CDCA7L: variants seen among roughly 807,000 people sequenced by gnomAD.
CDCA7L encodes cell division cycle associated 7 like, also known as cell division cycle-associated 7-like protein.
CDCA7L carries 44 observed loss-of-function variants against 57.4 expected under a neutral mutation model. That is an observed-to-expected ratio of 0.77 (90% CI 0.60 to 0.98). The LOEUF (loss-of-function observed/expected upper bound fraction) is 0.98. CDCA7L is among the 50% of genes least tolerant of loss of function. The probability of loss-of-function intolerance (pLI) is 0.00; values close to 1 mark genes in which losing one functional copy is unlikely to be tolerated. For missense variants in CDCA7L, 644 were observed against 580.6 expected (o/e 1.11, Z -1.12); for synonymous variants, 236 against 202.8 (o/e 1.16, Z -1.39).
intron 1 of CDCA7L, among the ~76,000 whole-genome samples, chr7:21,930,675 G>C (rs1785979299): frequency 7.9e-6 from 1 of 126,260 alleles, no homozygotes; most frequent in African/African-American, 3.0e-5. Context: ...TCCAGCCCCG[G>C]CAACAGTGCA....
intron 1 of CDCA7L, among the ~76,000 whole-genome samples, chr7:21,926,063 C>T (rs1785815988): frequency 6.6e-6 from 1 of 152,094 alleles, no homozygotes; most frequent in African/African-American, 2.4e-5. Context: ...AAGCAAGACC[C>T]TATCTCTATA....
intron 1 of CDCA7L, among the ~76,000 whole-genome samples, chr7:21,942,888 A>G (rs1786386159): frequency 6.6e-6 from 1 of 152,218 alleles, no homozygotes; most frequent in South Asian, 2.1e-4. Context: ...ATCAGATGGG[A>G]GCACTTTGCA....
At chr7:21,907,055 T>C (rs1244792971) in intron 4 of CDCA7L, among the ~76,000 whole-genome samples, 4 of 152,218 alleles carry the variant, frequency 2.6e-5, no homozygotes, top group Non-Finnish European at 4.4e-5. Flanking sequence ...TCGATGGTTA[T>C]TTAGAACTCC....
chr7:21,911,524 T>G, intron 3 of CDCA7L, 93 bp downstream of exon 3: 1 of 1,416,810 alleles, frequency 7.1e-7, no homozygotes, highest in Non-Finnish European at 9.4e-7. Flanking sequence ...GAAAAATCTT[T>G]TCACTTGTGA....
chr7:21,931,922 G>A (rs1406210515), intron 1 of CDCA7L, among the ~76,000 whole-genome samples: 1 of 152,188 alleles, frequency 6.6e-6, no homozygotes, highest in African/African-American at 2.4e-5. Context: ...CATCGTCTCA[G>A]CCCCAAAACT....
intron 2 of CDCA7L, among the ~76,000 whole-genome samples, chr7:21,915,961 C>G (rs1463045306): frequency 1.3e-5 from 2 of 152,084 alleles, no homozygotes; most frequent in Non-Finnish European, 2.9e-5. Flanking sequence ...CGACAGAGAC[C>G]AGGGAGCCTC....
At chr7:21,910,377 C>T (rs1032580437) in intron 3 of CDCA7L, among the ~76,000 whole-genome samples, 1 of 152,176 alleles carries the variant, frequency 6.6e-6, no homozygotes, top group African/African-American at 2.4e-5. Context: ...TATGTTGCTA[C>T]TCATAGCAAA....
At chr7:21,909,627 A>G (rs939448131) in intron 3 of CDCA7L, among the ~76,000 whole-genome samples, 1 of 152,230 alleles carries the variant, frequency 6.6e-6, no homozygotes, top group African/African-American at 2.4e-5. Flanking sequence ...AATACCCTGA[A>G]CTTCCCATAT....
At position 21,902,014 on chromosome 7, in the gene CDCA7L, CTAACTTACTTACCTGAACTT is replaced by C. The variant is rs1784900061; in HGVS notation, c.*288_*307del. 2 of 377,628 alleles carry C rather than the reference CTAACTTACTTACCTGAACTT, an allele frequency of 5.3e-6. No homozygotes were observed. The highest frequency in any genetic ancestry group is 4.1e-5 in the African/African-American group (2 of 49,124). The allele number at this position is 377,628 out of a possible 1,614,324, so 23.4% of individuals were successfully genotyped here. A position where few individuals can be genotyped will look rare whatever the true frequency, so the allele number is the denominator to read the frequency against. On this transcript the variant is annotated 3_prime_UTR_variant, in exon 10 of 10. Coordinates refer to ENST00000406877, the MANE Select transcript of CDCA7L (RefSeq NM_018719.5). The stretch of plus-strand genomic sequence containing the variant: ...GAGCTGATCATACAATGTTTTCTCT[CTAACTTACTTACCTGAACTT>C]TAACCCCACCCCATTTAAACTGTGC...
In CDCA7L at chr7:21,939,762, C is replaced by G. The variant is rs559760331; in HGVS notation, c.24+6019G>C. Among the ~76,000 whole-genome samples, 3 of 152,058 alleles carry G rather than the reference C, an allele frequency of 2.0e-5. No homozygotes were observed. In the East Asian group the frequency reaches 5.8e-4, roughly 29 times the overall value. ...CTCCAAACCACTTACCAGGGGCATT[C>G]CCCTCACCCTCATCACTCTAACAAT... is the stretch of plus-strand genomic sequence containing the variant. On this transcript the variant is annotated intron_variant, in intron 1 of 9. Transcript: ENST00000406877.
chr7:21,905,659 G>T, intron 6 of CDCA7L, 28 bp from the exon 7 acceptor site: 1 of 1,608,524 alleles, frequency 6.2e-7, no homozygotes, highest in Non-Finnish European at 8.5e-7. Flanking sequence ...GCAGAACATG[G>T]AGATGTGTTG....
chr7:21,944,069 C>G (rs1029480906), intron 1 of CDCA7L, among the ~76,000 whole-genome samples: 1 of 152,158 alleles, frequency 6.6e-6, no homozygotes, highest in Admixed American at 6.5e-5. Flanking sequence ...TCTGACTAAA[C>G]TCACAAGGAG....
At chr7:21,909,179 T>G (rs1785236590) in intron 3 of CDCA7L, among the ~76,000 whole-genome samples, 2 of 152,214 alleles carry the variant, frequency 1.3e-5, no homozygotes, top group Non-Finnish European at 2.9e-5. Flanking sequence ...GGCAGAGGTC[T>G]CCAGCATTCA....
rs192490057 is a variant in CDCA7L at position 21,925,910 on chromosome 7, T to C, written c.25-9016A>G. The stretch of plus-strand genomic sequence containing the variant: ...AAGAAAAAAAAAGATCATCAGATTG[T>C]GATGGGATCTCATCCATCAGTTTGT... On this transcript the variant is annotated intron_variant, in intron 1 of 9. Coordinates refer to ENST00000406877, the MANE Select transcript of CDCA7L (RefSeq NM_018719.5). Among the ~76,000 whole-genome samples, 202 of 152,264 alleles carry C rather than the reference T, an allele frequency of 1.3e-3. No homozygotes were observed. In the Middle Eastern group the frequency reaches 0.014, roughly 10 times the overall value.
chr7:21,916,832 G>A lies in CDCA7L; in HGVS notation c.87C>T (p.Phe29=). Residue 29 remains phenylalanine (F), a synonymous_variant, in exon 2 of 10, where the codon TTC becomes TTT. Coordinates refer to ENST00000406877, the MANE Select transcript of CDCA7L (RefSeq NM_018719.5). The part of the protein sequence containing the change: ...APSDDEEFVG[F]RDDVPMETLS... Reference sequence around the variant, plus strand: ...GGGTTTCCATGGGAACATCATCTCGGAAGCCAACAAACTCTTCATCATCAC... The same window carrying A: ...GGGTTTCCATGGGAACATCATCTCGAAAGCCAACAAACTCTTCATCATCAC... 1 of 1,614,040 alleles carries A rather than the reference G, an allele frequency of 6.2e-7. No homozygotes were observed. Among genetic ancestry groups the A allele is most frequent in the Admixed American group, 1.7e-5 (1 of 60,014 alleles).
intron 1 of CDCA7L, among the ~76,000 whole-genome samples, chr7:21,944,227 T>C (rs1038397718): frequency 2.0e-5 from 3 of 149,474 alleles, no homozygotes; most frequent in African/African-American, 7.4e-5. Flanking sequence ...TCACCTGAGG[T>C]CAGCAGTTCA....
intron 1 of CDCA7L, among the ~76,000 whole-genome samples, chr7:21,929,228 T>A (rs1785918236): frequency 6.6e-6 from 1 of 152,096 alleles, no homozygotes; most frequent in African/African-American, 2.4e-5. Flanking sequence ...GAAAGAGAAA[T>A]AAAATCCTTT....
At chr7:21,902,835 A>C (rs995018608) in intron 9 of CDCA7L, 143 bp downstream of exon 9, 1 of 709,486 alleles carries the variant, frequency 1.4e-6, no homozygotes, top group African/African-American at 1.8e-5. Flanking sequence ...TTTCCAATGC[A>C]AACAGATACA....
chr7:21,914,565 G>A, intron 2 of CDCA7L, among the ~76,000 whole-genome samples: 1 of 152,184 alleles, frequency 6.6e-6, no homozygotes, highest in East Asian at 1.9e-4. Context: ...GCATGGACCA[G>A]TGGGCAGAAA....
Sources: gnomAD v4.1 joint callset for allele counts (sites outside exome capture counted in the v4.1 genomes callset) on GRCh38, gnomAD v4.1.1 for gene constraint, MANE v1.5 for transcripts, NCBI Gene and HGNC (gene_info 2026-07-23, HGNC 2026-07-21) for gene names.